TM9SF4: variants seen among roughly 807,000 people sequenced by gnomAD.
TM9SF4 encodes transmembrane 9 superfamily member 4.
In TM9SF4, 26 loss-of-function variants were observed where a neutral mutation model predicts 90.4. The observed-to-expected ratio is 0.29, with a 90% CI of 0.21 to 0.40. The LOEUF (loss-of-function observed/expected upper bound fraction) is 0.40. Among genes scored for constraint, TM9SF4 ranks in the 10% least tolerant of loss-of-function variants. The pLI is 1.00. For synonymous variants in TM9SF4, 293 were observed against 315.4 expected, an observed-to-expected ratio of 0.93 and a Z score of 0.75; for missense variants, 549 against 834.8, an observed-to-expected ratio of 0.66 and a Z score of 4.22.
At chr20:32,127,307 T>C (rs1186524617) in intron 1 of TM9SF4, among the ~76,000 whole-genome samples, 1 of 152,190 alleles carries the variant, frequency 6.6e-6, no homozygotes, top group Non-Finnish European at 1.5e-5. Context: ...TACAGTCTCC[T>C]CATTTGTAAT....
chr20:32,156,571 T>A (rs985317517), intron 13 of TM9SF4, among the ~76,000 whole-genome samples: 5 of 152,252 alleles, frequency 3.3e-5, no homozygotes, highest in Non-Finnish European at 7.3e-5. Flanking sequence ...TAAATAGTTG[T>A]TATACTATAT....
chr20:32,143,993 T>C (rs1288976572), intron 6 of TM9SF4, among the ~76,000 whole-genome samples: 4 of 152,248 alleles, frequency 2.6e-5, no homozygotes, highest in African/African-American at 7.2e-5. Context: ...TCACCCAGGC[T>C]GGAGTGCAGT....
chr20:32,113,704 A>G (rs1383011803), intron 1 of TM9SF4, among the ~76,000 whole-genome samples: 1 of 152,154 alleles, frequency 6.6e-6, no homozygotes, highest in African/African-American at 2.4e-5. Flanking sequence ...TTTAAAGTAT[A>G]TAATTTAGTG....
intron 1 of TM9SF4, among the ~76,000 whole-genome samples, chr20:32,129,864 G>C (rs6087819): frequency 0.059 from 8,934 of 152,186 alleles, 373 homozygotes; most frequent in Middle Eastern, 0.14. Context: ...TAGGATTATA[G>C]GCATGAGCTA....
Position 32,165,798 on chromosome 20 carries a change from T to A in TM9SF4, c.*354T>A. 1 of 214,340 alleles carries A rather than the reference T, an allele frequency of 4.7e-6. No individual in the cohort carries two copies. Among genetic ancestry groups the A allele is most frequent in the Non-Finnish European group, 9.7e-6 (1 of 103,620 alleles). 13.3% of individuals were successfully genotyped at this position (214,340 alleles called of 1,614,324 possible). On this transcript the variant is annotated 3_prime_UTR_variant, in exon 18 of 18. Coordinates refer to ENST00000398022, the MANE Select transcript of TM9SF4 (RefSeq NM_014742.4). ...AACAAATGGATCCAGGATGGATAAA[T>A]CCACCGAGATAAGGGTTTTGGTCAC...
chr20:32,140,424 GAC>G (rs1443412035), intron 3 of TM9SF4, among the ~76,000 whole-genome samples: 1 of 152,194 alleles, frequency 6.6e-6, no homozygotes, highest in Non-Finnish European at 1.5e-5. Context: ...AGGATCTGAA[GAC>G]ACAGAGATAA....
intron 1 of TM9SF4, among the ~76,000 whole-genome samples, chr20:32,129,854 T>A (rs1207864555): frequency 6.6e-6 from 1 of 152,194 alleles, no homozygotes; most frequent in African/African-American, 2.4e-5. Context: ...CCCAAAGTGC[T>A]AGGATTATAG....
intron 1 of TM9SF4, among the ~76,000 whole-genome samples, chr20:32,122,119 C>A: frequency 7.0e-6 from 1 of 142,052 alleles, no homozygotes; most frequent in Non-Finnish European, 1.5e-5. Context: ...AGAGGCGCCC[C>A]TCACCTCCCA....
At chr20:32,115,647 G>A (rs2046206911) in intron 1 of TM9SF4, among the ~76,000 whole-genome samples, 1 of 152,012 alleles carries the variant, frequency 6.6e-6, no homozygotes, top group Admixed American at 6.6e-5. Flanking sequence ...TGCTTGGTCT[G>A]AGAATCTGGG....
At chr20:32,137,152 C>T (rs1325108895) in intron 3 of TM9SF4, among the ~76,000 whole-genome samples, 3 of 152,270 alleles carry the variant, frequency 2.0e-5, no homozygotes, top group Non-Finnish European at 4.4e-5. Flanking sequence ...CCTCTACCAA[C>T]TGTCTGCAGT....
chr20:32,161,430 TG>T (rs1417056141), intron 17 of TM9SF4, 65 bp downstream of exon 17: 1 of 1,524,072 alleles, frequency 6.6e-7, no homozygotes, highest in African/African-American at 1.4e-5. Flanking sequence ...AGGAGGATGC[TG>T]GGAGAAAAAC....
Position 32,158,642 on chromosome 20 carries a change from C to A in TM9SF4, c.1569+128C>A, listed in dbSNP as rs1399487902. 4.4e-6 allele frequency: 4 copies of A among 916,478 alleles called. No individual in the cohort carries two copies. In the Admixed American group the frequency reaches 6.5e-5, roughly 15 times the overall value. The allele number at this position is 916,478 out of a possible 1,614,324, so 56.8% of individuals were successfully genotyped here. A position where few individuals can be genotyped will look rare whatever the true frequency, so the allele number is the denominator to read the frequency against. ...CCACTTCACCTCTCGGAGCCCCATT[C>A]TTCACCCTGAAATTGGACAACAGCC... On this transcript the variant is annotated intron_variant, in intron 15 of 17. Coordinates refer to ENST00000398022, the MANE Select transcript of TM9SF4 (RefSeq NM_014742.4).
intron 13 of TM9SF4, among the ~76,000 whole-genome samples, chr20:32,155,869 G>T (rs1005550899): frequency 6.6e-5 from 10 of 152,166 alleles, no homozygotes; most frequent in Admixed American, 3.3e-4. Flanking sequence ...CAGAGGAGGG[G>T]TTTCTTTCCC....
At position 32,158,457 on chromosome 20, in the gene TM9SF4, C is replaced by T; in HGVS notation, c.1512C>T (p.Leu504=). The part of the protein sequence containing the change: ...RWYMNRFVGI[L]MAGILPFGAM... Reference sequence around the variant, plus strand: ...ACCTCTCGTTCTGTGGCAGCATCCTCATGGCTGGGATCTTGCCCTTCGGCG... The same window carrying T: ...ACCTCTCGTTCTGTGGCAGCATCCTTATGGCTGGGATCTTGCCCTTCGGCG... The change falls in exon 15 of 18, where the codon CTC becomes CTT. Residue 504 remains leucine (L), a synonymous_variant. Transcript: ENST00000398022. The T allele has an allele frequency of 6.2e-7, 1 of 1,614,240 alleles. No homozygotes were observed. The highest frequency in any genetic ancestry group is 8.5e-7 in the Non-Finnish European group (1 of 1,180,038).
chr20:32,159,943 A>AG, intron 15 of TM9SF4, 49 bp from the exon 16 acceptor site: 1 of 1,612,220 alleles, frequency 6.2e-7, no homozygotes, highest in Non-Finnish European at 8.5e-7. Context: ...TGCCAGGGGA[A>AG]GGGGAGCAGG....
intron 2 of TM9SF4, 35 bp from the exon 3 acceptor site, chr20:32,136,039 A>G: frequency 1.9e-6 from 3 of 1,589,570 alleles, no homozygotes; most frequent in Non-Finnish European, 2.6e-6. Context: ...AGGGAGGATT[A>G]TTGGTCATCT....
intron 1 of TM9SF4, among the ~76,000 whole-genome samples, chr20:32,110,224 G>C (rs550336672): frequency 2.0e-5 from 3 of 152,108 alleles, no homozygotes; most frequent in African/African-American, 7.2e-5. Flanking sequence ...CGCTGCCTCA[G>C]ATCCTTTTCA....
At chr20:32,123,178 G>A (rs868023643) in intron 1 of TM9SF4, among the ~76,000 whole-genome samples, 1 of 19,914 alleles carries the variant, frequency 5.0e-5, no homozygotes, top group Admixed American at 3.7e-4. Context: ...AGAGGGGGAG[G>A]GGGGGAGGGG....
chr20:32,111,282 A>G (rs2046139858), intron 1 of TM9SF4, among the ~76,000 whole-genome samples: 2 of 152,224 alleles, frequency 1.3e-5, no homozygotes, highest in South Asian at 4.1e-4. Context: ...TACCACATTC[A>G]GAACAGAGAT....
Sources: gnomAD v4.1 joint callset for allele counts (sites outside exome capture counted in the v4.1 genomes callset) on GRCh38, gnomAD v4.1.1 for gene constraint, MANE v1.5 for transcripts, NCBI Gene and HGNC (gene_info 2026-07-23, HGNC 2026-07-21) for gene names.